CIT: variants seen among roughly 807,000 people sequenced by gnomAD.
The protein encoded by CIT is citron Rho-interacting kinase.
In CIT, 79 loss-of-function variants were observed where a neutral mutation model predicts 272.7. The observed-to-expected ratio is 0.29, with a 90% confidence interval of 0.24 to 0.35. The LOEUF (loss-of-function observed/expected upper bound fraction) is 0.35. Ranked by LOEUF, CIT falls within the 10% of genes least tolerant of loss-of-function variation. The pLI, the probability that CIT is intolerant of heterozygous loss-of-function variation, is 1.00. For synonymous variants in CIT, 948 were observed against 995.6 expected (o/e 0.95, Z 0.90); for missense variants, 1,909 against 2,618.3 (o/e 0.73, Z 5.91).
chr12:119,716,988 A>G (rs1259309171), intron 32 of CIT, among the ~76,000 whole-genome samples: 1 of 152,256 alleles, frequency 6.6e-6, no homozygotes. Context: ...GGTGTCTTGC[A>G]GTGTATACTG....
At chr12:119,806,877 C>T (rs1340001108) in intron 9 of CIT, among the ~76,000 whole-genome samples, 1 of 152,026 alleles carries the variant, frequency 6.6e-6, no homozygotes, top group East Asian at 1.9e-4. Flanking sequence ...TTGAAAGGAA[C>T]CAAACTGAAC....
intron 15 of CIT, among the ~76,000 whole-genome samples, chr12:119,776,127 C>G (rs1963725959): frequency 6.6e-6 from 1 of 152,172 alleles, no homozygotes; most frequent in African/African-American, 2.4e-5. Context: ...TACTAAGTGT[C>G]TGGGTTTGTT....
At chr12:119,731,715 T>C (rs1291313371) in intron 26 of CIT, among the ~76,000 whole-genome samples, 1 of 151,330 alleles carries the variant, frequency 6.6e-6, no homozygotes, top group African/African-American at 2.4e-5. Context: ...AAGGATAAAT[T>C]CAAATGCTAT....
chr12:119,744,404 A>T (rs1010950093), intron 23 of CIT, among the ~76,000 whole-genome samples: 7 of 122,756 alleles, frequency 5.7e-5, no homozygotes, highest in African/African-American at 7.7e-5. Flanking sequence ...ATTTAATTAT[A>T]AAAAAAAAAA....
chr12:119,854,778 C>G lies in CIT; in HGVS notation c.414+2745G>C, dbSNP rs371258181. On this transcript the variant is annotated intron_variant, in intron 4 of 47. Coordinates refer to ENST00000392521, the MANE Select transcript of CIT (RefSeq NM_001206999.2). The stretch of plus-strand genomic sequence containing the variant: ...AGCCTGACCAACATGGTGAAACCCC[C>G]CCTCTGCACTAAAAATACAAAAATT... 7.2e-5 allele frequency among the ~76,000 whole-genome samples: 11 copies of G among 151,736 alleles called. No individual in the cohort carries two copies. The East Asian group carries it at 1.4e-3, about 19-fold the overall frequency.
intron 24 of CIT, among the ~76,000 whole-genome samples, chr12:119,737,752 T>C (rs922986532): frequency 3.9e-5 from 6 of 152,200 alleles, no homozygotes; most frequent in Non-Finnish European, 5.9e-5. Context: ...ACAAGAGAAG[T>C]GTTACATGTT....
At position 119,782,486 on chromosome 12, in the gene CIT, A is replaced by G. The variant is rs780730615; in HGVS notation, c.1665+32T>C. 2.5e-6 allele frequency: 4 copies of G among 1,610,156 alleles called. No individual in the cohort carries two copies. The South Asian group carries it at 4.4e-5, about 18-fold the overall frequency. On this transcript the variant is annotated intron_variant, in intron 13 of 47. Coordinates refer to ENST00000392521, the MANE Select transcript of CIT (RefSeq NM_001206999.2). ...AAATTAGAGGTCCAAGCAAGCCGAG[A>G]TGCTGCTGTGCTCCCAGGCAAGCAG...
At chr12:119,789,890 T>G (rs542674274) in intron 10 of CIT, among the ~76,000 whole-genome samples, 1 of 150,648 alleles carries the variant, frequency 6.6e-6, no homozygotes, top group South Asian at 2.1e-4. Flanking sequence ...TTTTTTTTTG[T>G]ATTCTAGTAC....
chr12:119,822,917 A>C lies in CIT; in HGVS notation c.1014T>G (p.Ile338Met). 1 of 1,614,148 alleles carries C rather than the reference A, an allele frequency of 6.2e-7. No homozygotes were observed. Among genetic ancestry groups the C allele is most frequent in the Non-Finnish European group, 8.5e-7 (1 of 1,180,002 alleles). ...PKVSSDFLDL[I>M]QSLLCGQKER... ...CTTTCTGGCCGCACAACAAGCTTTG[A>C]ATCAGATCAAGAAAGTCACTGCTCA... Residue 338 changes from isoleucine (I) to methionine (M), a missense_variant, in exon 9 of 48, where the codon ATT (isoleucine) becomes ATG (methionine). Physicochemically the swap from Ile to Met is conservative, Grantham distance 10 (BLOSUM62 1). Coordinates refer to ENST00000392521, the MANE Select transcript of CIT (RefSeq NM_001206999.2).
chr12:119,712,257 T>C lies in CIT; in HGVS notation c.4775A>G (p.Asp1592Gly). The change falls in exon 37 of 48, where the codon GAC (aspartate) becomes GGC (glycine). Residue 1592 changes from aspartate to glycine, a missense_variant. By Grantham distance (94) the Asp-to-Gly change is moderately conservative. Around this residue, in one of 8 missense-constraint regions of CIT, gnomAD observed 780 missense variants for 1,067.2 expected, o/e 0.73. Coordinates refer to ENST00000392521, the MANE Select transcript of CIT (RefSeq NM_001206999.2). This position sits in a 1 kb window ranked among gnomAD's most constrained non-coding sequence, Gnocchi z 5.2. ...TAAGGCGGTGACCCAGCGCTGTTTGTCAGGGAAGCTGGGAGCTAGCAAGTA... is the reference window on the plus strand; with the variant it reads ...TAAGGCGGTGACCCAGCGCTGTTTGCCAGGGAAGCTGGGAGCTAGCAAGTA... ...TLYLLAPSFP[D>G]KQRWVTALES... 1 of 1,614,144 alleles carries C rather than the reference T, an allele frequency of 6.2e-7. No homozygotes were observed. Among genetic ancestry groups the C allele is most frequent in the Non-Finnish European group, 8.5e-7 (1 of 1,179,994 alleles).
chr12:119,717,462 C>A (rs2137110135), intron 32 of CIT, among the ~76,000 whole-genome samples: 1 of 135,828 alleles, frequency 7.4e-6, no homozygotes, highest in South Asian at 2.3e-4. Context: ...ACTTTATCAC[C>A]CAGGCTGGAG....
chr12:119,806,761 A>G (rs1396779711), intron 9 of CIT, among the ~76,000 whole-genome samples: 3 of 152,188 alleles, frequency 2.0e-5, no homozygotes, highest in Non-Finnish European at 4.4e-5. Context: ...AACTGCAGAT[A>G]AAAGAACAAT....
At chr12:119,797,950 T>C (rs534264814) in intron 10 of CIT, among the ~76,000 whole-genome samples, 1 of 152,328 alleles carries the variant, frequency 6.6e-6, no homozygotes, top group South Asian at 2.1e-4. Context: ...CAAATGCTTA[T>C]TAAGCAACTT....
Position 119,850,226 on chromosome 12 carries a change from G to A in CIT, c.464C>T (p.Pro155Leu), listed in dbSNP as rs201033375. ...ERNILSRSTS[P>L]WIPQLQYAFQ... ...GGCATACTGTAATTGGGGGATCCACGGGCTTGTGCTTCGAGATAATATGTT... is the reference window on the plus strand; with the variant it reads ...GGCATACTGTAATTGGGGGATCCACAGGCTTGTGCTTCGAGATAATATGTT... The change falls in exon 5 of 48, where the codon CCG (proline) becomes CTG (leucine). Residue 155 changes from proline to leucine, a missense_variant. Coordinates refer to ENST00000392521, the MANE Select transcript of CIT (RefSeq NM_001206999.2). The A allele has an allele frequency of 2.3e-5, 37 of 1,613,528 alleles. No homozygotes were observed. The highest frequency in any genetic ancestry group is 1.3e-4 in the African/African-American group (10 of 74,942).
At chr12:119,706,089 C>CA (rs776220898) in intron 40 of CIT, among the ~76,000 whole-genome samples, 11,165 of 98,544 alleles carry the variant, frequency 0.11, 574 homozygotes, top group African/African-American at 0.15. Context: ...GACTCTGTGT[C>CA]AAAAAAAAAA....
chr12:119,731,233 G>A (rs1462717618), intron 26 of CIT, among the ~76,000 whole-genome samples: 4 of 152,074 alleles, frequency 2.6e-5, no homozygotes, highest in African/African-American at 7.2e-5. Context: ...CCAACACTTC[G>A]GGAGGCTGAG....
intron 28 of CIT, among the ~76,000 whole-genome samples, chr12:119,726,797 C>G (rs1555225577): frequency 6.6e-6 from 1 of 152,118 alleles, no homozygotes; most frequent in Non-Finnish European, 1.5e-5. Flanking sequence ...ACACAGGGCT[C>G]TGGTTGGGGA....
At chr12:119,740,513 C>T (rs1959006983) in intron 24 of CIT, among the ~76,000 whole-genome samples, 1 of 151,810 alleles carries the variant, frequency 6.6e-6, no homozygotes, top group South Asian at 2.1e-4. Flanking sequence ...GATTATAGTA[C>T]ACCAATTATA....
chr12:119,787,454 G>A (rs1446058122), intron 10 of CIT, among the ~76,000 whole-genome samples: 5 of 151,238 alleles, frequency 3.3e-5, no homozygotes, highest in Non-Finnish European at 5.9e-5. Flanking sequence ...CAAATAGGCC[G>A]GGCGCGGTGG....
Sources: allele counts gnomAD v4.1 joint callset (sites outside exome capture counted in the v4.1 genomes callset), GRCh38; gene constraint gnomAD v4.1.1; regional missense constraint gnomAD v4.1.1; non-coding constraint Gnocchi (gnomAD v3.1); transcripts MANE v1.5; gene names NCBI Gene and HGNC (gene_info 2026-07-23, HGNC 2026-07-21).